The following DAP variants were observed in gnomAD, a reference collection of about 807,000 sequenced individuals.
DAP encodes death-associated protein 1.
DAP carries 8 observed loss-of-function variants against 13.8 expected under a neutral mutation model. The observed-to-expected ratio is 0.58, with a 90% confidence interval of 0.34 to 1.05. The LOEUF is 1.05. Ranked by LOEUF, DAP falls within the 50% of genes least tolerant of loss-of-function variation. The pLI, the probability that DAP is intolerant of heterozygous loss-of-function variation, is 0.03. For synonymous variants in DAP, 47 were observed against 47.5 expected (o/e 0.99, Z 0.04); for missense variants, 106 against 133.2 (o/e 0.80, Z 1.01).
At chr5:10,722,421 C>G (rs908239535) in intron 2 of DAP, among the ~76,000 whole-genome samples, 1 of 152,078 alleles carries the variant, frequency 6.6e-6, no homozygotes, top group African/African-American at 2.4e-5. Flanking sequence ...TCTTGCTCCT[C>G]AAGCTTGCAG....
intron 2 of DAP, among the ~76,000 whole-genome samples, chr5:10,727,522 C>A (rs1739319635): frequency 6.6e-6 from 1 of 152,098 alleles, no homozygotes. Flanking sequence ...TCCTGATGCT[C>A]AAGGGCCCGA....
chr5:10,703,820 A>C (rs1738637139), intron 2 of DAP, among the ~76,000 whole-genome samples: 1 of 152,214 alleles, frequency 6.6e-6, no homozygotes. Context: ...CAAGGACTCC[A>C]GGTAGAGGAC....
At chr5:10,748,982 C>A (rs1272699442) in intron 1 of DAP, among the ~76,000 whole-genome samples, 1 of 152,190 alleles carries the variant, frequency 6.6e-6, no homozygotes, top group Admixed American at 6.5e-5. Context: ...TGAACAGTTA[C>A]CCTCCATTCC....
At position 10,744,677 on chromosome 5, in the gene DAP, T is replaced by C. The variant is rs531916231; in HGVS notation, c.152+3498A>G. On this transcript the variant is annotated intron_variant, in intron 2 of 3. Coordinates refer to ENST00000230895, the MANE Select transcript of DAP (RefSeq NM_004394.3). ...CTGGCCAGGCCAATGACCGACTACA[T>C]ATCATTGGGTTGGAAACCTCCCTAA... Among the ~76,000 whole-genome samples the C allele has an allele frequency of 9.8e-5, 15 of 152,314 alleles. No homozygotes were observed. In the East Asian group the frequency reaches 2.9e-3, roughly 29 times the overall value.
At chr5:10,728,284 T>C (rs1221998532) in intron 2 of DAP, among the ~76,000 whole-genome samples, 1 of 150,944 alleles carries the variant, frequency 6.6e-6, no homozygotes, top group Non-Finnish European at 1.5e-5. Flanking sequence ...ATTTGATGTG[T>C]TTATGACTGA....
chr5:10,693,607 C>G (rs1738362780), intron 2 of DAP, among the ~76,000 whole-genome samples: 2 of 152,140 alleles, frequency 1.3e-5, no homozygotes, highest in Admixed American at 6.5e-5. Context: ...CAGTCATTTG[C>G]CCAAGGGTTG....
chr5:10,681,771 A>C (rs1410720088), intron 3 of DAP, among the ~76,000 whole-genome samples: 60 of 99,514 alleles, frequency 6.0e-4, no homozygotes, highest in African/African-American at 8.9e-4. Context: ...AAGCCCCAGG[A>C]CAGCGCCCAA....
At chr5:10,755,009 G>A (rs1740147826) in intron 1 of DAP, among the ~76,000 whole-genome samples, 1 of 152,314 alleles carries the variant, frequency 6.6e-6, no homozygotes, top group Non-Finnish European at 1.5e-5. Flanking sequence ...CTGACTGTAA[G>A]CTGAGGAAGA....
intron 2 of DAP, among the ~76,000 whole-genome samples, chr5:10,731,390 G>A (rs761655797): frequency 5.3e-5 from 8 of 152,198 alleles, no homozygotes; most frequent in Non-Finnish European, 1.2e-4. Flanking sequence ...CTCAGACCCT[G>A]GACCTGGATT....
At position 10,757,415 on chromosome 5, in the gene DAP, C is replaced by T. The variant is rs1740217235; in HGVS notation, c.55+3599G>A. Among the ~76,000 whole-genome samples, 7 of 152,160 alleles carry T rather than the reference C, an allele frequency of 4.6e-5. No homozygotes were observed. The South Asian group carries it at 1.4e-3, about 31-fold the overall frequency. ...TCAGCCTACAGAGTAGCTGAGATTA[C>T]AGGCACCCACCAGCACACCCGACTA... is the stretch of plus-strand genomic sequence containing the variant. On this transcript the variant is annotated intron_variant, in intron 1 of 3. Coordinates refer to ENST00000230895, the MANE Select transcript of DAP (RefSeq NM_004394.3).
rs1300742815 is a variant in DAP at position 10,679,366 on chromosome 5, A to G, written c.*1690T>C. The G allele has an allele frequency of 6.6e-6, 1 of 152,402 alleles. No homozygotes were observed. Among genetic ancestry groups the G allele is most frequent in the Non-Finnish European group, 1.5e-5 (1 of 68,052 alleles). The allele number at this position is 152,402 out of a possible 1,614,324, so 9.4% of individuals were successfully genotyped here. A position where few individuals can be genotyped will look rare whatever the true frequency, so the allele number is the denominator to read the frequency against. ...GCATGCCACATCTAGCTAAAAGTACATAAAAAGCGCACCTCTGGAAATAAC... is the reference window on the plus strand; with the variant it reads ...GCATGCCACATCTAGCTAAAAGTACGTAAAAAGCGCACCTCTGGAAATAAC... On this transcript the variant is annotated 3_prime_UTR_variant, in exon 4 of 4. Coordinates refer to ENST00000230895, the MANE Select transcript of DAP (RefSeq NM_004394.3).
chr5:10,692,749 G>A (rs1238349168), intron 2 of DAP, among the ~76,000 whole-genome samples: 2 of 152,164 alleles, frequency 1.3e-5, no homozygotes, highest in Non-Finnish European at 2.9e-5. Flanking sequence ...TTTCCCCTGG[G>A]CTACAGAGAG....
intron 2 of DAP, among the ~76,000 whole-genome samples, chr5:10,702,116 G>C (rs929058925): frequency 6.6e-6 from 1 of 152,130 alleles, no homozygotes. Context: ...GCTTCTGCAC[G>C]CATGGCTCCC....
chr5:10,725,474 C>T (rs981653150), intron 2 of DAP, among the ~76,000 whole-genome samples: 1 of 152,198 alleles, frequency 6.6e-6, no homozygotes, highest in Non-Finnish European at 1.5e-5. Flanking sequence ...CAGGTGGAGG[C>T]AGGGAGCCTC....
intron 2 of DAP, among the ~76,000 whole-genome samples, chr5:10,701,039 T>C (rs1041808089): frequency 1.3e-5 from 2 of 152,194 alleles, no homozygotes; most frequent in African/African-American, 2.4e-5. Context: ...GCTGTCACCT[T>C]AGAAACCAGA....
rs137898388 is a variant in DAP at position 10,689,420 on chromosome 5, C to T, written c.153-5849G>A. Among the ~76,000 whole-genome samples the T allele has an allele frequency of 2.2e-3, 330 of 152,236 alleles. 2 individuals are homozygous for T. The highest frequency in any genetic ancestry group is 3.4e-3 in the Middle Eastern group (1 of 294). ...CCAGGAGTGTCCAGGGCCATGGTTG[C>T]AGGTTGCAGCGTCTAAGAGTCCACA... On this transcript the variant is annotated intron_variant, in intron 2 of 3. Coordinates refer to ENST00000230895, the MANE Select transcript of DAP (RefSeq NM_004394.3).
intron 2 of DAP, among the ~76,000 whole-genome samples, chr5:10,744,745 C>G (rs1370860664): frequency 6.6e-6 from 1 of 152,246 alleles, no homozygotes; most frequent in Non-Finnish European, 1.5e-5. Flanking sequence ...GTAATACCAA[C>G]TTATAGGTGC....
chr5:10,740,534 T>C (rs985694568), intron 2 of DAP, among the ~76,000 whole-genome samples: 4 of 152,124 alleles, frequency 2.6e-5, no homozygotes, highest in Admixed American at 6.6e-5. Context: ...ATCTTGAAAG[T>C]AACCATAGGT....
intron 2 of DAP, among the ~76,000 whole-genome samples, chr5:10,708,687 G>A (rs1456160160): frequency 6.6e-6 from 1 of 152,134 alleles, no homozygotes; most frequent in African/African-American, 2.4e-5. Context: ...CTTTGTCATC[G>A]TAAGCAATGG....
Sources: gnomAD v4.1 joint callset for allele counts (sites outside exome capture counted in the v4.1 genomes callset) on GRCh38, gnomAD v4.1.1 for gene constraint, MANE v1.5 for transcripts, NCBI Gene and HGNC (gene_info 2026-07-23, HGNC 2026-07-21) for gene names.